The following ADAMTS2 variants were observed in gnomAD, a reference collection of about 807,000 sequenced individuals.
ADAMTS2 encodes the protein ADAM metallopeptidase with thrombospondin type 1 motif 2.
A neutral mutation model predicts 123.0 loss-of-function variants in ADAMTS2; 50 were observed. That is an observed-to-expected ratio of 0.41 (90% CI 0.32 to 0.51). The LOEUF is 0.51. Ranked by LOEUF, ADAMTS2 falls within the 20% of genes least tolerant of loss-of-function variation. ADAMTS2 has a pLI of 0.35. For missense variants in ADAMTS2, 1,494 were observed against 1,705.2 expected (o/e 0.88, Z 2.18); for synonymous variants, 678 against 695.4 (o/e 0.98, Z 0.39).
At chr5:179,114,634 G>A (rs1013417113) in intron 21 of ADAMTS2, among the ~76,000 whole-genome samples, 1 of 152,220 alleles carries the variant, frequency 6.6e-6, no homozygotes, top group Non-Finnish European at 1.5e-5. Flanking sequence ...AGGCCCGTTT[G>A]TTCTTACAGA....
At chr5:179,258,742 G>A (rs74455463) in intron 3 of ADAMTS2, among the ~76,000 whole-genome samples, 2,232 of 152,272 alleles carry the variant, frequency 0.015, 65 homozygotes, top group African/African-American at 0.051. Context: ...GCGCCACCTC[G>A]ACAGGTCTGA....
rs1243999996 is a variant in ADAMTS2 at position 179,137,751 on chromosome 5, C to T, written c.1951+18G>A. The stretch of plus-strand genomic sequence containing the variant: ...CCTGCCTGCTGAGCCCCCACTGATG[C>T]CTCCCAGAAGGGCTCACCATCCCGG... On this transcript the variant is annotated intron_variant, in intron 12 of 21. Transcript: ENST00000251582. The T allele has an allele frequency of 4.9e-6, 7 of 1,424,314 alleles. No homozygotes were observed. The highest frequency in any genetic ancestry group is 5.6e-6 in the Non-Finnish European group (6 of 1,069,702). 88.2% of individuals were successfully genotyped at this position (1,424,314 alleles called of 1,614,324 possible). A position where few individuals can be genotyped will look rare whatever the true frequency, so the allele number is the denominator to read the frequency against.
intron 3 of ADAMTS2, among the ~76,000 whole-genome samples, chr5:179,238,132 C>A (rs1354584080): frequency 2.0e-5 from 3 of 152,318 alleles, no homozygotes; most frequent in African/African-American, 7.2e-5. Context: ...ACAAGCAGTT[C>A]CATCCACTCT....
At chr5:179,328,420 T>C (rs1427552116) in intron 2 of ADAMTS2, among the ~76,000 whole-genome samples, 1 of 152,202 alleles carries the variant, frequency 6.6e-6, no homozygotes, top group Non-Finnish European at 1.5e-5. Flanking sequence ...TGCTAAGACA[T>C]GGGAAGATGC....
At chr5:179,297,537 G>A (rs1288032182) in intron 2 of ADAMTS2, among the ~76,000 whole-genome samples, 1 of 151,964 alleles carries the variant, frequency 6.6e-6, no homozygotes, top group East Asian at 1.9e-4. Context: ...TCTCTTGACT[G>A]TTCCCTTCCC....
At position 179,162,839 on chromosome 5, in the gene ADAMTS2, C is replaced by T. The variant is rs186959054; in HGVS notation, c.976-3960G>A. On this transcript the variant is annotated intron_variant, in intron 5 of 21. Transcript: ENST00000251582. The surrounding 1 kb of genome is among the most constrained non-coding windows in gnomAD (Gnocchi z 5.1). ...TGAGTTGTGCTCTTGTCACTTGCAG[C>T]GAAGAGAATCTGAGCCACGTGCTTC... Among the ~76,000 whole-genome samples, 600 of 152,334 alleles carry T rather than the reference C, an allele frequency of 3.9e-3. 11 individuals carry two copies. Among genetic ancestry groups the T allele is most frequent in the Admixed American group, 0.034 (518 of 15,300 alleles).
At chr5:179,315,238 C>CGGGCTTCTGGAAAGCACTGAGGCCACAGT in intron 2 of ADAMTS2, among the ~76,000 whole-genome samples, 1 of 47,038 alleles carries the variant, frequency 2.1e-5, no homozygotes, top group South Asian at 5.0e-4. Flanking sequence ...ATTAAATACC[C>CGGGCTTCTGGAAAGCACTGAGGCCACAGT]TGGCTTCTGG....
intron 2 of ADAMTS2, among the ~76,000 whole-genome samples, chr5:179,319,181 C>T (rs1210510423): frequency 6.6e-6 from 1 of 152,010 alleles, no homozygotes. Context: ...GTCACACAGG[C>T]ACCATGCAGA....
intron 13 of ADAMTS2, 122 bp downstream of exon 13, chr5:179,135,787 T>C: frequency 3.4e-6 from 5 of 1,462,276 alleles, no homozygotes; most frequent in African/African-American, 1.4e-5. Flanking sequence ...CCGGGCATTG[T>C]TTCTGACACT....
intron 3 of ADAMTS2, among the ~76,000 whole-genome samples, chr5:179,243,094 G>A (rs1210560940): frequency 6.6e-6 from 1 of 151,326 alleles, no homozygotes; most frequent in Non-Finnish European, 1.5e-5. Flanking sequence ...AATTTAAGAG[G>A]AGGCTGACAG....
intron 2 of ADAMTS2, among the ~76,000 whole-genome samples, chr5:179,304,718 G>A (rs76406043): frequency 1.3e-3 from 203 of 152,222 alleles, no homozygotes; most frequent in African/African-American, 4.1e-3. Context: ...GGAAAATACC[G>A]AAAGATCTAA....
At position 179,130,196 on chromosome 5, in the gene ADAMTS2, G is replaced by A; in HGVS notation, c.2291-98C>T. 6.8e-7 allele frequency: 1 copy of A among 1,461,782 alleles called. No individual in the cohort carries two copies. Among genetic ancestry groups the A allele is most frequent in the Non-Finnish European group, 9.5e-7 (1 of 1,053,902 alleles). The allele number at this position is 1,461,782 out of a possible 1,614,324, so 90.6% of individuals were successfully genotyped here. On this transcript the variant is annotated intron_variant, in intron 15 of 21. Transcript: ENST00000251582. The surrounding 1 kb of genome is among the most constrained non-coding windows in gnomAD (Gnocchi z 4.3). Reference sequence around the variant, plus strand: ...GTCGGGGAGTGGGGGCAGCTAGCTGGACCCCTTGTCTCTCTGGCTGCCCCC... The same window carrying A: ...GTCGGGGAGTGGGGGCAGCTAGCTGAACCCCTTGTCTCTCTGGCTGCCCCC...
intron 3 of ADAMTS2, among the ~76,000 whole-genome samples, chr5:179,238,889 A>T (rs1765596005): frequency 6.6e-6 from 1 of 152,148 alleles, no homozygotes; most frequent in South Asian, 2.1e-4. Context: ...GGACCCTTCC[A>T]CCATAGTGCA....
Position 179,111,911 on chromosome 5 carries a change from G to A in ADAMTS2, c.*1956C>T, listed in dbSNP as rs1423881084. On this transcript the variant is annotated 3_prime_UTR_variant, in exon 22 of 22. Coordinates refer to ENST00000251582, the MANE Select transcript of ADAMTS2 (RefSeq NM_014244.5). ...TCTTCTTAAGGAAGGGGTACTATGA[G>A]AGATACTCAGAAAGGTTTTCTCCAG... 1 of 152,314 alleles carries A rather than the reference G, an allele frequency of 6.6e-6. No homozygotes were observed. The highest frequency in any genetic ancestry group is 6.5e-5 in the Admixed American group (1 of 15,292). 9.4% of individuals were successfully genotyped at this position (152,314 alleles called of 1,614,324 possible).
intron 17 of ADAMTS2, 92 bp from the exon 18 acceptor site, chr5:179,126,222 C>T (rs575472515): frequency 2.7e-4 from 418 of 1,548,236 alleles, no homozygotes; most frequent in Non-Finnish European, 3.5e-4. Context: ...GTGCTGGCCT[C>T]GTTTTCCTGC....
intron 21 of ADAMTS2, 185 bp downstream of exon 21, chr5:179,121,476 G>A: frequency 8.4e-6 from 4 of 474,534 alleles, no homozygotes; most frequent in East Asian, 3.3e-5. Flanking sequence ...GCCCCCGCCA[G>A]CAGGCAGCGC....
At chr5:179,243,198 C>G (rs983864197) in intron 3 of ADAMTS2, among the ~76,000 whole-genome samples, 2 of 151,924 alleles carry the variant, frequency 1.3e-5, no homozygotes, top group Non-Finnish European at 2.9e-5. Context: ...AGGATCTCTT[C>G]CAGGGGGAGA....
intron 10 of ADAMTS2, among the ~76,000 whole-genome samples, chr5:179,143,562 CA>C (rs1456626237): frequency 6.6e-6 from 1 of 151,956 alleles, no homozygotes; most frequent in Non-Finnish European, 1.5e-5. Context: ...TGAACTTGAA[CA>C]TAGACAGTTT....
chr5:179,174,722 G>A (rs1223457419), intron 5 of ADAMTS2, among the ~76,000 whole-genome samples: 1 of 152,242 alleles, frequency 6.6e-6, no homozygotes, highest in African/African-American at 2.4e-5. Context: ...TTTACAAGAT[G>A]TTTGGAGGAA....
Sources: allele counts gnomAD v4.1 joint callset (sites outside exome capture counted in the v4.1 genomes callset), GRCh38; gene constraint gnomAD v4.1.1; non-coding constraint Gnocchi (gnomAD v3.1); transcripts MANE v1.5; gene names NCBI Gene and HGNC (gene_info 2026-07-23, HGNC 2026-07-21).